RBFOX1: variants seen among roughly 807,000 people sequenced by gnomAD.
The protein encoded by RBFOX1 is RNA binding protein fox-1 homolog 1.
In RBFOX1, 8 loss-of-function variants were observed where a neutral mutation model predicts 57.7. That is an observed-to-expected ratio of 0.14 (90% CI 0.08 to 0.25). The LOEUF (loss-of-function observed/expected upper bound fraction) is 0.25. Ranked by LOEUF, RBFOX1 falls within the 10% of genes least tolerant of loss-of-function variation. The pLI, the probability that RBFOX1 is intolerant of heterozygous loss-of-function variation, is 1.00. For synonymous variants in RBFOX1, 326 were observed against 222.4 expected (o/e 1.47, Z -4.15); for missense variants, 611 against 548.5 (o/e 1.11, Z -1.14).
At chr16:7,464,746 G>T (rs1411574564) in intron 4 of RBFOX1, among the ~76,000 whole-genome samples, 2 of 141,360 alleles carry the variant, frequency 1.4e-5, no homozygotes, top group South Asian at 4.6e-4. Context: ...GCCCAGGCTG[G>T]AGTGCAGTCG....
At chr16:6,337,805 A>G (rs1194894466) in intron 2 of RBFOX1, among the ~76,000 whole-genome samples, 2 of 152,232 alleles carry the variant, frequency 1.3e-5, no homozygotes, top group Non-Finnish European at 1.5e-5. Context: ...GTTGAGACGA[A>G]TCCTCCTGCC....
intron 3 of RBFOX1, among the ~76,000 whole-genome samples, chr16:5,697,724 G>T (rs1354844936): frequency 1.3e-5 from 2 of 151,406 alleles, no homozygotes; most frequent in Non-Finnish European, 2.9e-5. Context: ...AGTAGAGAAG[G>T]GTTATCTGCA....
At chr16:5,597,687 C>A (rs1038142033) in intron 2 of RBFOX1, among the ~76,000 whole-genome samples, 1 of 152,040 alleles carries the variant, frequency 6.6e-6, no homozygotes, top group Non-Finnish European at 1.5e-5. Flanking sequence ...CATTGTAGAG[C>A]TTTAGGCATT....
intron 14 of RBFOX1, among the ~76,000 whole-genome samples, chr16:7,689,453 G>A (rs1178772673): frequency 6.6e-6 from 1 of 152,110 alleles, no homozygotes; most frequent in Non-Finnish European, 1.5e-5. Context: ...GCTACCTACA[G>A]AACAGTGAAA....
intron 3 of RBFOX1, among the ~76,000 whole-genome samples, chr16:6,795,359 C>G (rs780163155): frequency 6.6e-6 from 1 of 151,922 alleles, no homozygotes; most frequent in Admixed American, 6.6e-5. Context: ...GCATTTCACC[C>G]GAGTCCACAA....
In RBFOX1 at chr16:6,134,755, G is replaced by A. The variant is rs112342322; in HGVS notation, c.-127+114763G>A. Among the ~76,000 whole-genome samples, 109 of 151,360 alleles carry A rather than the reference G, an allele frequency of 7.2e-4. 1 individual carries two copies. Among genetic ancestry groups the A allele is most frequent in the African/African-American group, 2.5e-3 (104 of 41,040 alleles). ...TGCAGTGGTGTGATGTCGGCTCACT[G>A]CAATCTCCGCCTCCCGGGTTCACGC... is the stretch of plus-strand genomic sequence containing the variant. On this transcript the variant is annotated intron_variant, in intron 1 of 15. Transcript: ENST00000550418.
chr16:6,907,501 G>A (rs2070335979), intron 3 of RBFOX1, among the ~76,000 whole-genome samples: 2 of 152,170 alleles, frequency 1.3e-5, no homozygotes, highest in African/African-American at 4.8e-5. Flanking sequence ...AGCAGGGGTG[G>A]TTCCTTCTGA....
At chr16:6,773,743 CTG>C (rs1302947394) in intron 3 of RBFOX1, 3 of 89,060 alleles carry the variant, frequency 3.4e-5, no homozygotes, top group South Asian at 3.9e-4. Context: ...GGGTGCATTT[CTG>C]TGTGTGTGTA....
At chr16:5,820,440 ACCGTGC>A (rs2055804193) in intron 3 of RBFOX1, among the ~76,000 whole-genome samples, 1 of 152,154 alleles carries the variant, frequency 6.6e-6, no homozygotes, top group South Asian at 2.1e-4. Context: ...ACGTGGCTGG[ACCGTGC>A]CGGGATTGAT....
intron 1 of RBFOX1, among the ~76,000 whole-genome samples, chr16:6,047,813 T>G (rs1406923256): frequency 6.6e-6 from 1 of 152,148 alleles, no homozygotes; most frequent in Non-Finnish European, 1.5e-5. Context: ...CAGAGCAGCA[T>G]GGAGGGTATA....
intron 2 of RBFOX1, among the ~76,000 whole-genome samples, chr16:6,393,931 A>G (rs2092711873): frequency 6.6e-6 from 1 of 152,228 alleles, no homozygotes; most frequent in African/African-American, 2.4e-5. Flanking sequence ...CTGGAAGGAA[A>G]GAAGAAGAAA....
intron 3 of RBFOX1, among the ~76,000 whole-genome samples, chr16:6,675,285 A>G (rs1199499336): frequency 6.6e-6 from 1 of 152,140 alleles, no homozygotes; most frequent in Non-Finnish European, 1.5e-5. Context: ...CATGTCTGAA[A>G]ATCGAGGGAT....
rs937003685 is a variant in RBFOX1 at position 7,709,500 on chromosome 16, G to C, written c.1071+369G>C. ...TTGCTGCTCATTCACATAGCCCCAA[G>C]GTTCCAGCCCCAGCACAGACTTCAG... On this transcript the variant is annotated intron_variant, in intron 15 of 15. Coordinates refer to ENST00000550418, the MANE Select transcript of RBFOX1 (RefSeq NM_018723.4). 433 of 1,499,428 alleles carry C rather than the reference G, an allele frequency of 2.9e-4. No individual in the cohort carries two copies. The highest frequency in any genetic ancestry group is 3.6e-4 in the Non-Finnish European group (412 of 1,133,596). The allele number at this position is 1,499,428 out of a possible 1,614,324, so 92.9% of individuals were successfully genotyped here.
At chr16:7,390,836 G>A (rs1484314104) in intron 4 of RBFOX1, among the ~76,000 whole-genome samples, 2 of 152,042 alleles carry the variant, frequency 1.3e-5, no homozygotes, top group Non-Finnish European at 1.5e-5. Context: ...TCCAACAATC[G>A]AGTTGTTTGC....
chr16:7,118,465 C>T (rs955552473), intron 4 of RBFOX1, among the ~76,000 whole-genome samples: 1 of 152,068 alleles, frequency 6.6e-6, no homozygotes, highest in Admixed American at 6.6e-5. Flanking sequence ...GGAAAATTAC[C>T]TATCGGGTAC....
chr16:7,637,121 C>G (rs565604906), intron 11 of RBFOX1, among the ~76,000 whole-genome samples: 1 of 151,954 alleles, frequency 6.6e-6, no homozygotes, highest in Admixed American at 6.6e-5. Context: ...TTTATTGTTC[C>G]GTATGCTTAT....
chr16:5,870,373 C>G (rs1442267140), intron 4 of RBFOX1, among the ~76,000 whole-genome samples: 1 of 91,142 alleles, frequency 1.1e-5, no homozygotes, highest in Non-Finnish European at 2.1e-5. Context: ...ATTTGTATGG[C>G]AAAAAAAAAA....
At chr16:6,686,746 T>C (rs1477450594) in intron 3 of RBFOX1, among the ~76,000 whole-genome samples, 1 of 152,150 alleles carries the variant, frequency 6.6e-6, no homozygotes, top group African/African-American at 2.4e-5. Flanking sequence ...CATAACTCTT[T>C]CCTTTTCTCC....
chr16:6,785,114 A>G (rs1402400020), intron 3 of RBFOX1, among the ~76,000 whole-genome samples: 2 of 152,114 alleles, frequency 1.3e-5, no homozygotes, highest in African/African-American at 4.8e-5. Context: ...GTTCCTTCCA[A>G]AAATATTCAT....
Sources: gnomAD v4.1 joint callset for allele counts (sites outside exome capture counted in the v4.1 genomes callset) on GRCh38, gnomAD v4.1.1 for gene constraint, MANE v1.5 for transcripts, NCBI Gene and HGNC (gene_info 2026-07-23, HGNC 2026-07-21) for gene names.